The following ESR1 variants were observed in gnomAD, a reference collection of about 807,000 sequenced individuals.
ESR1 encodes estrogen receptor 1.
A neutral mutation model predicts 52.7 loss-of-function variants in ESR1; 12 were observed. The observed-to-expected ratio is 0.23, with a 90% CI of 0.15 to 0.37. The LOEUF is 0.37. Among genes scored for constraint, ESR1 ranks in the 10% least tolerant of loss-of-function variants. The pLI, the probability that ESR1 is intolerant of heterozygous loss-of-function variation, is 1.00. For missense variants in ESR1, 584 were observed against 779.7 expected (o/e 0.75, Z 2.99); for synonymous variants, 305 against 316.8 (o/e 0.96, Z 0.39).
chr6:151,808,332 G>C lies in ESR1; in HGVS notation c.420G>C (p.Thr140=). ...TGGAGAACGAGCCCAGCGGCTACAC[G>C]GTGCGCGAGGCCGGCCCGCCGGCAT... ...YYLENEPSGY[T]VREAGPPAFY... The change falls in exon 1 of 8, where the codon ACG becomes ACC. Residue 140 remains threonine, a synonymous_variant. Transcript: ENST00000206249. 2.0e-6 allele frequency: 3 copies of C among 1,537,140 alleles called. No individual in the cohort carries two copies. The highest frequency in any genetic ancestry group is 2.6e-6 in the Non-Finnish European group (3 of 1,145,730).
chr6:151,947,289 G>A lies in ESR1; in HGVS notation c.1096+2781G>A, dbSNP rs957845342. On this transcript the variant is annotated intron_variant, in intron 4 of 7. Coordinates refer to ENST00000206249, the MANE Select transcript of ESR1 (RefSeq NM_000125.4). The stretch of plus-strand genomic sequence containing the variant: ...AGCCGAGACCCCACAACTGCACTCC[G>A]GCCTGGGCAACAATGAGACTCTGTC... Among the ~76,000 whole-genome samples the A allele has an allele frequency of 2.6e-5, 4 of 151,976 alleles. No homozygotes were observed. In the South Asian group the frequency reaches 6.2e-4, roughly 24 times the overall value.
upstream of ESR1, among the ~76,000 whole-genome samples, chr6:151,686,816 G>A (rs1179855951): frequency 6.6e-6 from 1 of 152,186 alleles, no homozygotes; most frequent in African/African-American, 2.4e-5. Context: ...CACCAGAGGT[G>A]CCCTTGGATA....
intron 2 of ESR1, among the ~76,000 whole-genome samples, chr6:151,763,032 A>G (rs190096905): frequency 8.6e-4 from 131 of 151,672 alleles, no homozygotes; most frequent in Non-Finnish European, 1.1e-3. Context: ...ATATATTAAA[A>G]TAGATAAGTT....
intron 5 of ESR1, among the ~76,000 whole-genome samples, chr6:152,055,652 G>A (rs900329663): frequency 7.9e-5 from 12 of 152,004 alleles, no homozygotes; most frequent in Non-Finnish European, 1.6e-4. Context: ...GAATCATTCA[G>A]TTCTTGCCTG....
chr6:151,899,567 G>A (rs1796289697), intron 3 of ESR1, among the ~76,000 whole-genome samples: 1 of 149,498 alleles, frequency 6.7e-6, no homozygotes, highest in African/African-American at 2.5e-5. Flanking sequence ...GGCTGGCCGG[G>A]CGGGGAGCTG....
intron 1 of ESR1, among the ~76,000 whole-genome samples, chr6:151,679,752 C>T (rs992722404): frequency 6.6e-6 from 1 of 152,208 alleles, no homozygotes; most frequent in African/African-American, 2.4e-5. Flanking sequence ...TTTGACTGCA[C>T]TAGTGTCCTT....
At chr6:151,956,429 G>A (rs373372315) in intron 4 of ESR1, among the ~76,000 whole-genome samples, 12 of 152,334 alleles carry the variant, frequency 7.9e-5, no homozygotes, top group East Asian at 5.8e-4. Flanking sequence ...ACATGAAGGA[G>A]CAGAAATGGA....
intron 4 of ESR1, among the ~76,000 whole-genome samples, chr6:152,000,899 TA>T (rs1366354709): frequency 1.3e-5 from 2 of 152,048 alleles, no homozygotes; most frequent in Admixed American, 1.3e-4. Flanking sequence ...CTACTAAATG[TA>T]AGGCAGATTT....
At chr6:152,129,198 A>G (rs1387436471) in exon 7 of ESR1, 1 of 152,252 alleles carries the variant, frequency 6.6e-6, no homozygotes, top group African/African-American at 2.4e-5. Context: ...TGGCTGTCTG[A>G]AACAATGCGG....
intron 2 of ESR1, among the ~76,000 whole-genome samples, chr6:151,716,561 C>T (rs1477887706): frequency 6.6e-6 from 1 of 152,188 alleles, no homozygotes; most frequent in Non-Finnish European, 1.5e-5. Flanking sequence ...GACAGTCTGG[C>T]TACAGCAGCT....
intron 1 of ESR1, among the ~76,000 whole-genome samples, chr6:151,666,530 A>T (rs575745636): frequency 6.6e-6 from 1 of 152,168 alleles, no homozygotes; most frequent in East Asian, 1.9e-4. Flanking sequence ...TGCTGGGTCC[A>T]CTGCAGTTTT....
intron 2 of ESR1, among the ~76,000 whole-genome samples, chr6:151,880,330 A>G (rs891733611): frequency 6.6e-6 from 1 of 151,618 alleles, no homozygotes; most frequent in African/African-American, 2.4e-5. Context: ...TTACAGGTGT[A>G]CACCACCATA....
At chr6:151,760,882 C>T (rs1163485262) in intron 2 of ESR1, among the ~76,000 whole-genome samples, 1 of 152,164 alleles carries the variant, frequency 6.6e-6, no homozygotes, top group Non-Finnish European at 1.5e-5. Flanking sequence ...TAAAGTTTCA[C>T]TTATCTATTA....
intron 6 of ESR1, among the ~76,000 whole-genome samples, chr6:152,093,334 CTCTCTCTCTCTCTCTCTCTT>C (rs1328683113): frequency 1.2e-3 from 158 of 133,942 alleles, no homozygotes; most frequent in African/African-American, 3.9e-3. Context: ...ACCTGGATCT[CTCTCTCTCTCTCTCTCTCTT>C]TCTCTCTCTC....
Position 151,701,095 on chromosome 6 carries a change from T to C in ESR1, c.-201-780T>C, listed in dbSNP as rs73619434. On this transcript the variant is annotated intron_variant, in intron 1 of 2. Transcript: ENST00000404742. Reference sequence around the variant, plus strand: ...TTTCTCACTTGCTCTGTGCAGTGACTGCTTTTTCAACCATGTAACAACGTC... The same window carrying C: ...TTTCTCACTTGCTCTGTGCAGTGACCGCTTTTTCAACCATGTAACAACGTC... 2.6e-5 allele frequency among the ~76,000 whole-genome samples: 4 copies of C among 152,226 alleles called. No homozygotes were observed. The East Asian group carries it at 7.7e-4, about 29-fold the overall frequency.
chr6:151,930,547 A>G (rs1043450131), intron 3 of ESR1, among the ~76,000 whole-genome samples: 16 of 152,192 alleles, frequency 1.1e-4, no homozygotes, highest in African/African-American at 3.6e-4. Flanking sequence ...GTTTACGTCA[A>G]TTAAGAATTT....
chr6:152,045,375 G>A (rs2046142924), intron 5 of ESR1, among the ~76,000 whole-genome samples: 1 of 152,194 alleles, frequency 6.6e-6, no homozygotes, highest in Non-Finnish European at 1.5e-5. Context: ...AACAATGTGA[G>A]AATCAACCAG....
At chr6:151,831,601 G>A (rs1357467129) in intron 1 of ESR1, among the ~76,000 whole-genome samples, 1 of 152,120 alleles carries the variant, frequency 6.6e-6, no homozygotes, top group Non-Finnish European at 1.5e-5. Context: ...CAGGCTCTGG[G>A]GTCAGACTGC....
At chr6:151,807,669 C>T (rs1052743844), upstream of ESR1, 38 of 598,918 alleles carry the variant, frequency 6.3e-5, no homozygotes, top group East Asian at 2.8e-5. Context: ...AGTTGGAGGC[C>T]CGGGAGCCCA....
Sources: gnomAD v4.1 joint callset for allele counts (sites outside exome capture counted in the v4.1 genomes callset) on GRCh38, gnomAD v4.1.1 for gene constraint, MANE v1.5 for transcripts, NCBI Gene and HGNC (gene_info 2026-07-23, HGNC 2026-07-21) for gene names.